The following RAD51B variants were observed in gnomAD, a reference collection of about 807,000 sequenced individuals.
The protein encoded by RAD51B is RAD51 paralog B, also known as DNA repair protein RAD51 homolog 2.
RAD51B carries 38 observed loss-of-function variants against 42.2 expected under a neutral mutation model. The observed-to-expected ratio is 0.90, with a 90% CI of 0.70 to 1.18. The LOEUF is 1.18. RAD51B is among the 50% of genes most tolerant of loss of function. RAD51B has a pLI of 0.00. For missense variants in RAD51B, 373 were observed against 400.7 expected (o/e 0.93, Z 0.59); for synonymous variants, 154 against 145.2 (o/e 1.06, Z -0.43).
intron 11 of RAD51B, among the ~76,000 whole-genome samples, chr14:68,679,311 A>T (rs1231496742): frequency 1.3e-5 from 2 of 152,242 alleles, no homozygotes; most frequent in African/African-American, 4.8e-5. Context: ...TTAAAAAGGT[A>T]AAGTAACATT....
At chr14:67,877,157 A>G (rs1439012408) in intron 5 of RAD51B, among the ~76,000 whole-genome samples, 1 of 152,106 alleles carries the variant, frequency 6.6e-6, no homozygotes, top group East Asian at 1.9e-4. Flanking sequence ...CTGTAATGTG[A>G]GGGTCATTAA....
At chr14:68,257,181 G>A (rs2139524761) in intron 7 of RAD51B, among the ~76,000 whole-genome samples, 1 of 152,234 alleles carries the variant, frequency 6.6e-6, no homozygotes, top group East Asian at 1.9e-4. Flanking sequence ...TAGAATAGAG[G>A]TTTCCAGGAG....
chr14:67,894,247 T>G (rs1688123833), intron 7 of RAD51B, among the ~76,000 whole-genome samples: 1 of 152,210 alleles, frequency 6.6e-6, no homozygotes, highest in African/African-American at 2.4e-5. Flanking sequence ...CCTGGTGTAT[T>G]TTATCTCTTT....
chr14:68,348,488 A>T (rs534657455), intron 8 of RAD51B, among the ~76,000 whole-genome samples: 3 of 152,266 alleles, frequency 2.0e-5, no homozygotes, highest in Non-Finnish European at 4.4e-5. Context: ...GATGGTTTGA[A>T]ATAAAATTGG....
At chr14:68,166,525 T>C (rs1317350550) in intron 7 of RAD51B, among the ~76,000 whole-genome samples, 3 of 152,194 alleles carry the variant, frequency 2.0e-5, no homozygotes, top group Non-Finnish European at 4.4e-5. Flanking sequence ...TTCAATTAAA[T>C]ATTTTTAGCT....
chr14:68,436,603 C>T (rs551369679), intron 9 of RAD51B, among the ~76,000 whole-genome samples: 19 of 152,088 alleles, frequency 1.2e-4, no homozygotes, highest in Non-Finnish European at 2.5e-4. Context: ...CTGCAGGTTT[C>T]TTTGCACAGT....
downstream of RAD51B, among the ~76,000 whole-genome samples, chr14:68,613,267 A>G (rs1428635750): frequency 6.6e-6 from 1 of 151,480 alleles, no homozygotes; most frequent in Non-Finnish European, 1.5e-5. Context: ...AATACAAAAC[A>G]ATTAGCCAGG....
In RAD51B at chr14:68,124,591, C is replaced by T. The variant is rs141417856; in HGVS notation, c.757-167293C>T. The stretch of plus-strand genomic sequence containing the variant: ...TTGATTAGTACATAGGCCTCACAAG[C>T]TATTAAGGAGAAAAAAGAAGACAGG... On this transcript the variant is annotated intron_variant, in intron 7 of 10. Transcript: ENST00000471583. 1.4e-3 allele frequency among the ~76,000 whole-genome samples: 217 copies of T among 152,134 alleles called. 2 individuals carry two copies. The highest frequency in any genetic ancestry group is 8.5e-3 in the Admixed American group (130 of 15,294).
intron 5 of RAD51B, among the ~76,000 whole-genome samples, chr14:67,869,696 G>A (rs2042455422): frequency 6.6e-6 from 1 of 152,074 alleles, no homozygotes. Context: ...GAAAGGTCGG[G>A]TTACCCTCAA....
At chr14:67,867,646 T>G (rs984057444) in intron 5 of RAD51B, among the ~76,000 whole-genome samples, 1 of 152,212 alleles carries the variant, frequency 6.6e-6, no homozygotes, top group Non-Finnish European at 1.5e-5. Context: ...ACAATCATGA[T>G]GAGTTGTCTG....
At chr14:67,850,045 G>A (rs551615467) in intron 4 of RAD51B, among the ~76,000 whole-genome samples, 21 of 152,266 alleles carry the variant, frequency 1.4e-4, no homozygotes, top group African/African-American at 4.8e-4. Flanking sequence ...TTTTGCACAG[G>A]CTGAAGTACA....
intron 10 of RAD51B, among the ~76,000 whole-genome samples, chr14:68,505,016 G>A (rs771054112): frequency 2.0e-5 from 3 of 152,140 alleles, no homozygotes; most frequent in Non-Finnish European, 4.4e-5. Flanking sequence ...AAACTCAGGC[G>A]AATTTGAAAG....
chr14:68,632,471 A>T (rs1214079493), intron 10 of RAD51B, among the ~76,000 whole-genome samples: 2 of 152,186 alleles, frequency 1.3e-5, no homozygotes, highest in African/African-American at 4.8e-5. Context: ...CAGGGATGCC[A>T]TCCAGACGGG....
At chr14:67,858,266 G>A (rs1449190226) in intron 4 of RAD51B, among the ~76,000 whole-genome samples, 1 of 152,208 alleles carries the variant, frequency 6.6e-6, no homozygotes, top group Non-Finnish European at 1.5e-5. Context: ...CATCCAAGAA[G>A]AATGAGGTCA....
chr14:68,069,189 G>T (rs1414600044), intron 7 of RAD51B, among the ~76,000 whole-genome samples: 4 of 152,156 alleles, frequency 2.6e-5, no homozygotes, highest in African/African-American at 7.2e-5. Flanking sequence ...GCTATGCCTT[G>T]ATCAGAGCTA....
chr14:68,115,716 G>A (rs553177830), intron 7 of RAD51B, among the ~76,000 whole-genome samples: 7 of 152,154 alleles, frequency 4.6e-5, no homozygotes, highest in East Asian at 1.9e-4. Context: ...CTCAAAGTGC[G>A]GGAATCTTGT....
downstream of RAD51B, among the ~76,000 whole-genome samples, chr14:68,613,397 A>C (rs1274988294): frequency 6.6e-6 from 1 of 151,580 alleles, no homozygotes; most frequent in African/African-American, 2.4e-5. Context: ...CAGCCTGGGC[A>C]ACAATAGCAA....
At chr14:68,390,767 A>T (rs1226903332) in intron 8 of RAD51B, among the ~76,000 whole-genome samples, 1 of 152,240 alleles carries the variant, frequency 6.6e-6, no homozygotes, top group African/African-American at 2.4e-5. Flanking sequence ...AGAATGAGTT[A>T]GTCACAGAGC....
chr14:68,656,049 G>A (rs1036143008), intron 11 of RAD51B, among the ~76,000 whole-genome samples: 1 of 152,200 alleles, frequency 6.6e-6, no homozygotes, highest in Non-Finnish European at 1.5e-5. Flanking sequence ...TGGTCCAGGT[G>A]CTGGCTTTTA....
Sources: allele counts gnomAD v4.1 joint callset (sites outside exome capture counted in the v4.1 genomes callset), GRCh38; gene constraint gnomAD v4.1.1; transcripts MANE v1.5; gene names NCBI Gene and HGNC (gene_info 2026-07-23, HGNC 2026-07-21).